Variants in SOX1 observed in about 807,000 individuals in gnomAD.
SOX1 encodes SRY-box transcription factor 1.
In SOX1, 1 loss-of-function variant was observed where a neutral mutation model predicts 0.9. The observed-to-expected ratio is 1.07, with a 90% confidence interval of 0.38 to 5.06. The LOEUF is 5.06. SOX1 is among the 30% of genes most tolerant of loss of function. The pLI is 0.16. For synonymous variants in SOX1, 397 were observed against 265.5 expected (o/e 1.50, Z -4.81); for missense variants, 564 against 534.4 (o/e 1.06, Z -0.55).
At position 112,070,880 on chromosome 13, in the gene SOX1, T is replaced by G. The variant is rs1875850498; in HGVS notation, c.*2046T>G. ...AAACCCCCCCCCTCTTTTCTTTTTC[T>G]TTATTTTTATTTCTTTTAGCTATTT... is the stretch of plus-strand genomic sequence containing the variant. On this transcript the variant is annotated 3_prime_UTR_variant, in exon 1 of 1. Coordinates refer to ENST00000330949, the MANE Select transcript of SOX1 (RefSeq NM_005986.3). 4.1e-5 allele frequency among the ~76,000 whole-genome samples: 6 copies of G among 146,046 alleles called. No homozygotes were observed. The highest frequency in any genetic ancestry group is 4.1e-4 in the Admixed American group (6 of 14,708).
In SOX1 at chr13:112,068,797, C is replaced by CGGGCGT. The variant is rs137969745; in HGVS notation, c.1141_1146dup (p.Gly381_Val382dup). On this transcript the variant is annotated inframe_insertion, in exon 1 of 1. Coordinates refer to ENST00000330949, the MANE Select transcript of SOX1 (RefSeq NM_005986.3). The surrounding 1 kb of genome is among the most constrained non-coding windows in gnomAD (Gnocchi z 6.9). ...CCGCAGCACTACCAGGGCGCGGGCG[C>CGGGCGT]GGGCGTGAACGGCACGGTGCCCCTG... 0.092 allele frequency: 113,144 copies of CGGGCGT among 1,225,762 alleles called. 5,571 individuals are homozygous for CGGGCGT. Among genetic ancestry groups the CGGGCGT allele is most frequent in the South Asian group, 0.16 (4,341 of 27,206 alleles). The allele number at this position is 1,225,762 out of a possible 1,614,324, so 75.9% of individuals were successfully genotyped here.
rs1880744862 is a variant in SOX1, at chr13:112,067,401, C to T, written c.-258C>T. 1.3e-5 allele frequency among the ~76,000 whole-genome samples: 2 copies of T among 152,152 alleles called. No homozygotes were observed. Among genetic ancestry groups the T allele is most frequent in the Non-Finnish European group, 2.9e-5 (2 of 68,018 alleles). ...GCTGCGGTGGCGGCGAAGACGGCGA[C>T]CCCGACCGTCGGCCTCTTTGGCAAG... On this transcript the variant is annotated 5_prime_UTR_variant, in exon 1 of 1. Transcript: ENST00000330949. The surrounding 1 kb of genome is among the most constrained non-coding windows in gnomAD (Gnocchi z 5.1).
At position 112,068,310 on chromosome 13, in the gene SOX1, G is replaced by GGCGCGGGCGGCGCGCACCCGC; in HGVS notation, c.653_673dup (p.Pro224_His225insArgAlaGlyGlyAlaHisPro). 1 of 1,054,742 alleles carries GGCGCGGGCGGCGCGCACCCGC rather than the reference G, an allele frequency of 9.5e-7. No homozygotes were observed. Among genetic ancestry groups the GGCGCGGGCGGCGCGCACCCGC allele is most frequent in the African/African-American group, 1.7e-5 (1 of 57,428 alleles). 65.3% of individuals were successfully genotyped at this position (1,054,742 alleles called of 1,614,324 possible). ...GCAGCTGGCCTACGGGCAGCACCCG[G>GGCGCGGGCGGCGCGCACCCGC]GCGCGGGCGGCGCGCACCCGCACGC... On this transcript the variant is annotated inframe_insertion, in exon 1 of 1. Coordinates refer to ENST00000330949, the MANE Select transcript of SOX1 (RefSeq NM_005986.3). The surrounding 1 kb of genome is among the most constrained non-coding windows in gnomAD (Gnocchi z 6.9).
At position 112,070,256 on chromosome 13, in the gene SOX1, T is replaced by G. The variant is rs1274999429; in HGVS notation, c.*1422T>G. 1 of 166,898 alleles carries G rather than the reference T, an allele frequency of 6.0e-6. No individual in the cohort carries two copies. The highest frequency in any genetic ancestry group is 1.5e-5 in the Non-Finnish European group (1 of 68,088). The allele number at this position is 166,898 out of a possible 1,614,324, so 10.3% of individuals were successfully genotyped here. Reference sequence around the variant, plus strand: ...CTCACACACACAGAAATATCGACCATCACCCTCCCCCGCGTGAACTGGGAT... The same window carrying G: ...CTCACACACACAGAAATATCGACCAGCACCCTCCCCCGCGTGAACTGGGAT... On this transcript the variant is annotated 3_prime_UTR_variant, in exon 1 of 1. Coordinates refer to ENST00000330949, the MANE Select transcript of SOX1 (RefSeq NM_005986.3).
At position 112,068,453 on chromosome 13, in the gene SOX1, C is replaced by T. The variant is rs1880791120; in HGVS notation, c.795C>T (p.Tyr265=). 1 of 1,217,096 alleles carries T rather than the reference C, an allele frequency of 8.2e-7. No homozygotes were observed. Among genetic ancestry groups the T allele is most frequent in the Admixed American group, 3.0e-5 (1 of 32,806 alleles). 75.4% of individuals were successfully genotyped at this position (1,217,096 alleles called of 1,614,324 possible). ...GCCCCATCTCCAACTCGCAGGGCTA[C>T]ATGAGCGCGTCGCCCTCGGGCTACG... ...QYSPISNSQG[Y]MSASPSGYGG... The change falls in exon 1 of 1, where the codon TAC becomes TAT. Residue 265 remains tyrosine (Y), a synonymous_variant. Transcript: ENST00000330949. This position sits in a 1 kb window ranked among gnomAD's most constrained non-coding sequence, Gnocchi z 6.9.
At position 112,067,898 on chromosome 13, in the gene SOX1, G is replaced by A. The variant is rs780331342; in HGVS notation, c.240G>A (p.Glu80=). Reference sequence around the variant, plus strand: ...AGAACCCCAAGATGCACAACTCGGAGATCAGCAAGCGCCTGGGGGCCGAGT... The same window carrying A: ...AGAACCCCAAGATGCACAACTCGGAAATCAGCAAGCGCCTGGGGGCCGAGT... ...AQENPKMHNS[E]ISKRLGAEWK... Residue 80 remains glutamate (E), a synonymous_variant, in exon 1 of 1, where the codon GAG becomes GAA. Transcript: ENST00000330949. This position sits in a 1 kb window ranked among gnomAD's most constrained non-coding sequence, Gnocchi z 5.1. 2 of 1,608,276 alleles carry A rather than the reference G, an allele frequency of 1.2e-6. No homozygotes were observed. The highest frequency in any genetic ancestry group is 1.1e-5 in the South Asian group (1 of 90,820).
rs1880816966 is a variant in SOX1 at position 112,069,133 on chromosome 13, G to C, written c.*299G>C. On this transcript the variant is annotated 3_prime_UTR_variant, in exon 1 of 1. Coordinates refer to ENST00000330949, the MANE Select transcript of SOX1 (RefSeq NM_005986.3). Reference sequence around the variant, plus strand: ...GGAGGAAGCGGAAAGCGTTTTCTTTGCTCGAGGGGACAAAAAAGTCAAAAC... The same window carrying C: ...GGAGGAAGCGGAAAGCGTTTTCTTTCCTCGAGGGGACAAAAAAGTCAAAAC... The C allele has an allele frequency of 5.2e-6, 1 of 191,156 alleles. No individual in the cohort carries two copies. The allele number at this position is 191,156 out of a possible 1,614,324, so 11.8% of individuals were successfully genotyped here.
chr13:112,067,772 C>T lies in SOX1; in HGVS notation c.114C>T (p.Gly38=). 7.7e-7 allele frequency: 1 copy of T among 1,291,160 alleles called. No homozygotes were observed. The highest frequency in any genetic ancestry group is 9.9e-7 in the Non-Finnish European group (1 of 1,012,348). The allele number at this position is 1,291,160 out of a possible 1,614,324, so 80.0% of individuals were successfully genotyped here. Residue 38 remains glycine (G), a synonymous_variant, in exon 1 of 1, where the codon GGC becomes GGT. Transcript: ENST00000330949. This position sits in a 1 kb window ranked among gnomAD's most constrained non-coding sequence, Gnocchi z 5.1. ...GCGGCGGGGGCGGAGGCGGGGGCGG[C>T]GGCGGCGGCGGGGGCGCCAAGGCCA... The part of the protein sequence containing the change: ...AGGGGGGGGG[G]GGGGGAKANQ...
Position 112,068,458 on chromosome 13 carries a change from G to A in SOX1, c.800G>A (p.Ser267Asn). Residue 267 changes from serine (S) to asparagine (N), a missense_variant, in exon 1 of 1, where the codon AGC (serine) becomes AAC (asparagine). Physicochemically the swap from Ser to Asn is conservative, Grantham distance 46. Transcript: ENST00000330949. This position sits in a 1 kb window ranked among gnomAD's most constrained non-coding sequence, Gnocchi z 6.9. Reference protein sequence around the residue: ...SPISNSQGYMSASPSGYGGLP... With the variant: ...SPISNSQGYMNASPSGYGGLP... ...ATCTCCAACTCGCAGGGCTACATGA[G>A]CGCGTCGCCCTCGGGCTACGGCGGC... 1 of 1,202,618 alleles carries A rather than the reference G, an allele frequency of 8.3e-7. No individual in the cohort carries two copies. The highest frequency in any genetic ancestry group is 1.1e-6 in the Non-Finnish European group (1 of 948,750). The allele number at this position is 1,202,618 out of a possible 1,614,324, so 74.5% of individuals were successfully genotyped here.
chr13:112,067,436 C>T lies in SOX1; in HGVS notation c.-223C>T, dbSNP rs991980704. ...CGGCCTCTTTGGCAAGTGGTTTGTG[C>T]ATCAGGAGAAACTTTCCACCTGCGA... On this transcript the variant is annotated 5_prime_UTR_variant, in exon 1 of 1. Transcript: ENST00000330949. The surrounding 1 kb of genome is among the most constrained non-coding windows in gnomAD (Gnocchi z 5.1). Among the ~76,000 whole-genome samples the T allele has an allele frequency of 2.0e-5, 3 of 152,172 alleles. No homozygotes were observed. The highest frequency in any genetic ancestry group is 7.2e-5 in the African/African-American group (3 of 41,446).
chr13:112,068,342 C>G lies in SOX1; in HGVS notation c.684C>G (p.Pro228=). The change falls in exon 1 of 1, where the codon CCC becomes CCG. Residue 228 remains proline, a synonymous_variant. Coordinates refer to ENST00000330949, the MANE Select transcript of SOX1 (RefSeq NM_005986.3). This position sits in a 1 kb window ranked among gnomAD's most constrained non-coding sequence, Gnocchi z 6.9. ...GAGGAHPHAH[P]AHPHPHHPHA... ...GCGGCGCGCACCCGCACGCGCACCC[C>G]GCGCACCCGCACCCGCACCACCCGC... 2 of 1,220,850 alleles carry G rather than the reference C, an allele frequency of 1.6e-6. No homozygotes were observed. Among genetic ancestry groups the G allele is most frequent in the Non-Finnish European group, 1.0e-6 (1 of 961,634 alleles). 75.6% of individuals were successfully genotyped at this position (1,220,850 alleles called of 1,614,324 possible). A position where few individuals can be genotyped will look rare whatever the true frequency, so the allele number is the denominator to read the frequency against.
At position 112,068,220 on chromosome 13, in the gene SOX1, G is replaced by A. The variant is rs1880778364; in HGVS notation, c.562G>A (p.Ala188Thr). The change falls in exon 1 of 1, where the codon GCC (alanine) becomes ACC (threonine). Residue 188 changes from alanine to threonine, a missense_variant. Transcript: ENST00000330949. This position sits in a 1 kb window ranked among gnomAD's most constrained non-coding sequence, Gnocchi z 6.9. ...CGGCTACGCGCACGTCAACGGCTGGGCCAACGGCGCCTACCCCGGCTCGGT... is the reference window on the plus strand; with the variant it reads ...CGGCTACGCGCACGTCAACGGCTGGACCAACGGCGCCTACCCCGGCTCGGT... ...GGGYAHVNGWANGAYPGSVAA... is the reference protein window; with the variant it reads ...GGGYAHVNGWTNGAYPGSVAA... 3 of 751,408 alleles carry A rather than the reference G, an allele frequency of 4.0e-6. No homozygotes were observed. Among genetic ancestry groups the A allele is most frequent in the Admixed American group, 6.1e-5 (1 of 16,336 alleles). The allele number at this position is 751,408 out of a possible 1,614,324, so 46.5% of individuals were successfully genotyped here.
rs1361510617 is a variant in SOX1 at position 112,069,141 on chromosome 13, G to A, written c.*307G>A. ...CGGAAAGCGTTTTCTTTGCTCGAGG[G>A]GACAAAAAAGTCAAAACGAGGCGAG... On this transcript the variant is annotated 3_prime_UTR_variant, in exon 1 of 1. Coordinates refer to ENST00000330949, the MANE Select transcript of SOX1 (RefSeq NM_005986.3). 1.1e-5 allele frequency: 2 copies of A among 186,632 alleles called. No homozygotes were observed. The highest frequency in any genetic ancestry group is 6.3e-5 in the Admixed American group (1 of 15,864). 11.6% of individuals were successfully genotyped at this position (186,632 alleles called of 1,614,324 possible). A position where few individuals can be genotyped will look rare whatever the true frequency, so the allele number is the denominator to read the frequency against.
At position 112,067,619 on chromosome 13, in the gene SOX1, C is replaced by T. The variant is rs767936500; in HGVS notation, c.-40C>T. On this transcript the variant is annotated 5_prime_UTR_variant, in exon 1 of 1. Transcript: ENST00000330949. This position sits in a 1 kb window ranked among gnomAD's most constrained non-coding sequence, Gnocchi z 5.1. The stretch of plus-strand genomic sequence containing the variant: ...CCACCCCGGCCGTCTATGCTCCAGG[C>T]CCTCTCCTCGCGGTGCCGGTGAACC... 3.3e-6 allele frequency: 4 copies of T among 1,222,136 alleles called. No individual in the cohort carries two copies. Among genetic ancestry groups the T allele is most frequent in the African/African-American group, 1.6e-5 (1 of 63,660 alleles). The allele number at this position is 1,222,136 out of a possible 1,614,324, so 75.7% of individuals were successfully genotyped here. A position where few individuals can be genotyped will look rare whatever the true frequency, so the allele number is the denominator to read the frequency against.
chr13:112,070,833 C>T lies in SOX1; in HGVS notation c.*1999C>T, dbSNP rs1875846547. Among the ~76,000 whole-genome samples the T allele has an allele frequency of 6.6e-6, 1 of 152,018 alleles. No individual in the cohort carries two copies. Among genetic ancestry groups the T allele is most frequent in the East Asian group, 1.9e-4 (1 of 5,194 alleles). On this transcript the variant is annotated 3_prime_UTR_variant, in exon 1 of 1. Transcript: ENST00000330949. The stretch of plus-strand genomic sequence containing the variant: ...TACAAAAAAGTTCAAGAATGATGTC[C>T]ACTGCTTTCTAACAAGATAATAAAC...
At position 112,068,316 on chromosome 13, in the gene SOX1, G is replaced by C; in HGVS notation, c.658G>C (p.Gly220Arg). 1 of 1,075,722 alleles carries C rather than the reference G, an allele frequency of 9.3e-7. No homozygotes were observed. Among genetic ancestry groups the C allele is most frequent in the Middle Eastern group, 3.8e-4 (1 of 2,598 alleles). 66.6% of individuals were successfully genotyped at this position (1,075,722 alleles called of 1,614,324 possible). ...GGCCTACGGGCAGCACCCGGGCGCG[G>C]GCGGCGCGCACCCGCACGCGCACCC... ...QLAYGQHPGA[G>R]GAHPHAHPAH... Residue 220 changes from glycine (G) to arginine (R), a missense_variant, in exon 1 of 1, where the codon GGC (glycine) becomes CGC (arginine). By Grantham distance (125) the Gly-to-Arg change is moderately radical. Coordinates refer to ENST00000330949, the MANE Select transcript of SOX1 (RefSeq NM_005986.3). This position sits in a 1 kb window ranked among gnomAD's most constrained non-coding sequence, Gnocchi z 6.9.
rs748481964 is a variant in SOX1, at chr13:112,067,928, G to A, written c.270G>A (p.Lys90=). Residue 90 remains lysine (K), a synonymous_variant, in exon 1 of 1, where the codon AAG becomes AAA. Transcript: ENST00000330949. This position sits in a 1 kb window ranked among gnomAD's most constrained non-coding sequence, Gnocchi z 5.1. ...GCAAGCGCCTGGGGGCCGAGTGGAA[G>A]GTCATGTCCGAGGCCGAGAAGCGGC... ...EISKRLGAEW[K]VMSEAEKRPF... 6.2e-6 allele frequency: 10 copies of A among 1,608,046 alleles called. No homozygotes were observed. In the African/African-American group the frequency reaches 6.7e-5, roughly 11 times the overall value.
In SOX1 at chr13:112,069,741, G is replaced by C. The variant is rs776949804; in HGVS notation, c.*907G>C. 6.0e-6 allele frequency: 1 copy of C among 166,598 alleles called. No individual in the cohort carries two copies. The highest frequency in any genetic ancestry group is 2.4e-5 in the African/African-American group (1 of 41,158). 10.3% of individuals were successfully genotyped at this position (166,598 alleles called of 1,614,324 possible). ...TTATCTGTATGAACTAAAAGTAAGG[G>C]AACCCCGGGGAATGGGAGGACAGGA... is the stretch of plus-strand genomic sequence containing the variant. On this transcript the variant is annotated 3_prime_UTR_variant, in exon 1 of 1. Transcript: ENST00000330949.
Position 112,067,682 on chromosome 13 carries a change from C to T in SOX1, c.24C>T (p.Thr8=), listed in dbSNP as rs1880755263. The T allele has an allele frequency of 6.3e-6, 8 of 1,277,458 alleles. No individual in the cohort carries two copies. The highest frequency in any genetic ancestry group is 8.0e-6 in the Non-Finnish European group (8 of 1,001,656). 79.1% of individuals were successfully genotyped at this position (1,277,458 alleles called of 1,614,324 possible). MYSMMME[T]DLHSPGGAQA... is the part of the protein sequence containing the mutation. ...CGATGTACAGCATGATGATGGAGAC[C>T]GACCTGCACTCGCCCGGCGGCGCCC... Residue 8 remains threonine (T), a synonymous_variant, in exon 1 of 1, where the codon ACC becomes ACT. Transcript: ENST00000330949. The surrounding 1 kb of genome is among the most constrained non-coding windows in gnomAD (Gnocchi z 5.1).
Sources: gnomAD v4.1 joint callset for allele counts (sites outside exome capture counted in the v4.1 genomes callset) on GRCh38, gnomAD v4.1.1 for gene constraint, Gnocchi (gnomAD v3.1) non-coding constraint, MANE v1.5 for transcripts, NCBI Gene and HGNC (gene_info 2026-07-23, HGNC 2026-07-21) for gene names.